GRM4: variants seen among roughly 807,000 people sequenced by gnomAD.
GRM4 encodes the protein glutamate metabotropic receptor 4.
GRM4 carries 28 observed loss-of-function variants against 81.7 expected under a neutral mutation model. The observed-to-expected ratio is 0.34, with a 90% CI of 0.25 to 0.47. The LOEUF is 0.47. Ranked by LOEUF, GRM4 falls within the 20% of genes least tolerant of loss-of-function variation. The pLI is 1.00. For synonymous variants in GRM4, 488 were observed against 528.8 expected (o/e 0.92, Z 1.06); for missense variants, 948 against 1,290.0 (o/e 0.73, Z 4.06).
At position 34,074,250 on chromosome 6, in the gene GRM4, C is replaced by T. The variant is rs1380484505; in HGVS notation, c.737-12222G>A. Among the ~76,000 whole-genome samples the T allele has an allele frequency of 6.6e-6, 1 of 152,216 alleles. No individual in the cohort carries two copies. Among genetic ancestry groups the T allele is most frequent in the Admixed American group, 6.5e-5 (1 of 15,284 alleles). On this transcript the variant is annotated intron_variant, in intron 3 of 10. Coordinates refer to ENST00000538487, the MANE Select transcript of GRM4 (RefSeq NM_000841.4). The surrounding 1 kb of genome is among the most constrained non-coding windows in gnomAD (Gnocchi z 4.9). ...ACCTACTGCTTCGTGATGAAAGCCA[C>T]GTTGCCCACTCTCCAACCCTCCATT... is the stretch of plus-strand genomic sequence containing the variant.
At chr6:34,147,839 C>A (rs1267682089), upstream of GRM4, among the ~76,000 whole-genome samples, 1 of 152,066 alleles carries the variant, frequency 6.6e-6, no homozygotes, top group Non-Finnish European at 1.5e-5. Flanking sequence ...TGTATTTAGG[C>A]GGCTGTAAGT....
In GRM4 at chr6:34,089,764, A is replaced by G. The variant is rs548884276; in HGVS notation, c.736+2119T>C. 6.6e-6 allele frequency among the ~76,000 whole-genome samples: 1 copy of G among 152,312 alleles called. No individual in the cohort carries two copies. Among genetic ancestry groups the G allele is most frequent in the Non-Finnish European group, 1.5e-5 (1 of 68,028 alleles). On this transcript the variant is annotated intron_variant, in intron 3 of 10. Coordinates refer to ENST00000538487, the MANE Select transcript of GRM4 (RefSeq NM_000841.4). The surrounding 1 kb of genome is among the most constrained non-coding windows in gnomAD (Gnocchi z 4.3). ...TTAGATGTTGATAAAAAAAAAATTA[A>G]ACAATAGGCTTACCTTCAGCCAAAA...
At chr6:34,081,104 A>G (rs1767571734) in intron 3 of GRM4, among the ~76,000 whole-genome samples, 1 of 151,912 alleles carries the variant, frequency 6.6e-6, no homozygotes, top group South Asian at 2.1e-4. Flanking sequence ...TCTCCACTTA[A>G]AAGGAGGACT....
At chr6:34,086,930 C>T (rs752569220) in intron 3 of GRM4, among the ~76,000 whole-genome samples, 5 of 151,818 alleles carry the variant, frequency 3.3e-5, no homozygotes, top group African/African-American at 7.3e-5. Flanking sequence ...GAGGCCAGCC[C>T]GGGCAACATG....
intron 10 of GRM4, chr6:34,024,331 C>A: frequency 4.6e-6 from 1 of 217,458 alleles, no homozygotes. Flanking sequence ...CTTCCATGAG[C>A]AGAACAACCA....
At chr6:34,126,581 G>A (rs1167554694) in intron 2 of GRM4, among the ~76,000 whole-genome samples, 1 of 152,202 alleles carries the variant, frequency 6.6e-6, no homozygotes, top group African/African-American at 2.4e-5. Flanking sequence ...ACATATCCAG[G>A]TGACCCTGGA....
chr6:34,117,307 G>A (rs1769638514), intron 2 of GRM4, among the ~76,000 whole-genome samples: 2 of 152,210 alleles, frequency 1.3e-5, no homozygotes, highest in Admixed American at 1.3e-4. Context: ...GGCAGGGCCG[G>A]AGGGAGGGAA....
At chr6:34,026,593 G>A (rs577597363) in intron 10 of GRM4, among the ~76,000 whole-genome samples, 17 of 152,088 alleles carry the variant, frequency 1.1e-4, no homozygotes, top group Middle Eastern at 6.8e-3. Context: ...CTGGGGATAC[G>A]GGGTCTCCCT....
At chr6:34,139,020 T>C (rs1260597960) in intron 1 of GRM4, among the ~76,000 whole-genome samples, 1 of 152,250 alleles carries the variant, frequency 6.6e-6, no homozygotes, top group Non-Finnish European at 1.5e-5. Flanking sequence ...CCAGGCCAGC[T>C]GGGGCTTTAT....
intron 2 of GRM4, among the ~76,000 whole-genome samples, chr6:34,109,753 C>A (rs1342124294): frequency 6.6e-6 from 1 of 152,146 alleles, no homozygotes; most frequent in African/African-American, 2.4e-5. Context: ...AGGCAGCTCA[C>A]CACTTCACAC....
intron 1 of GRM4, among the ~76,000 whole-genome samples, chr6:34,151,401 T>C (rs1771042438): frequency 6.6e-6 from 1 of 152,160 alleles, no homozygotes. Flanking sequence ...TTAAAACAAC[T>C]TATCATCTCT....
chr6:34,069,680 G>C lies in GRM4; in HGVS notation c.737-7652C>G, dbSNP rs1766698113. ...TGTGTGTGTGTGTGTGTGTGTGTGT[G>C]TGTGTGTGACCCTGAGCGCCTGCCT... On this transcript the variant is annotated intron_variant, in intron 3 of 10. Transcript: ENST00000538487. This position sits in a 1 kb window ranked among gnomAD's most constrained non-coding sequence, Gnocchi z 6.4. Among the ~76,000 whole-genome samples, 1 of 136,852 alleles carries C rather than the reference G, an allele frequency of 7.3e-6. No individual in the cohort carries two copies. The highest frequency in any genetic ancestry group is 2.9e-5 in the African/African-American group (1 of 34,008). 89.8% of individuals were successfully genotyped at this position (136,852 alleles called of 152,430 possible).
At chr6:34,025,719 C>T (rs914709795) in intron 10 of GRM4, among the ~76,000 whole-genome samples, 12 of 152,262 alleles carry the variant, frequency 7.9e-5, no homozygotes, top group African/African-American at 2.6e-4. Context: ...CAGTCCTGCC[C>T]GCAATGCTGT....
rs1226531815 is a variant in GRM4 at position 34,028,231 on chromosome 6, G to A, written c.2578C>T (p.Leu860Phe). ...GTGGCCGCCGTAACGACGGCTTTGAGGCTGCGCTTGCGCTTGGGCACGTTC... is the reference window on the plus strand; with the variant it reads ...GTGGCCGCCGTAACGACGGCTTTGAAGCTGCGCTTGCGCTTGGGCACGTTC... ...EQNVPKRKRS[L>F]KAVVTAATMS... is the part of the protein sequence containing the mutation. The change falls in exon 10 of 11, where the codon CTC becomes TTC. Residue 860 changes from leucine to phenylalanine, a missense_variant. Leu to Phe is a conservative substitution (Grantham distance 22, BLOSUM62 0). Transcript: ENST00000538487. 1.9e-6 allele frequency: 3 copies of A among 1,614,122 alleles called. No individual in the cohort carries two copies. Among genetic ancestry groups the A allele is most frequent in the Non-Finnish European group, 2.5e-6 (3 of 1,180,026 alleles).
chr6:34,133,339 C>T lies in GRM4; in HGVS notation c.158G>A (p.Gly53Asp). The change falls in exon 2 of 11, where the codon GGC (glycine) becomes GAC (aspartate). Residue 53 changes from glycine to aspartate, a missense_variant. Gly to Asp is a moderately conservative substitution (Grantham distance 94). Coordinates refer to ENST00000538487, the MANE Select transcript of GRM4 (RefSeq NM_000841.4). This position sits in a 1 kb window ranked among gnomAD's most constrained non-coding sequence, Gnocchi z 6.5. ...IRIDGDITLGGLFPVHGRGSE... is the reference protein window; with the variant it reads ...IRIDGDITLGDLFPVHGRGSE... Reference sequence around the variant, plus strand: ...GCCCCGGCCATGCACCGGGAACAGGCCTCCCAGTGTGATGTCCCCATCTAT... The same window carrying T: ...GCCCCGGCCATGCACCGGGAACAGGTCTCCCAGTGTGATGTCCCCATCTAT... The T allele has an allele frequency of 6.2e-7, 1 of 1,614,118 alleles. No homozygotes were observed. The highest frequency in any genetic ancestry group is 8.5e-7 in the Non-Finnish European group (1 of 1,180,012).
At chr6:34,051,153 TG>T (rs1263825233) in intron 6 of GRM4, among the ~76,000 whole-genome samples, 2 of 152,144 alleles carry the variant, frequency 1.3e-5, no homozygotes, top group East Asian at 3.9e-4. Context: ...AGGAGGGGCC[TG>T]GGGCTGGGAT....
At chr6:34,062,980 C>T (rs1449279493) in intron 3 of GRM4, 2 of 152,228 alleles carry the variant, frequency 1.3e-5, no homozygotes, top group Non-Finnish European at 2.9e-5. Context: ...AGTTACCTGC[C>T]CTACTGGAGT....
At chr6:34,110,745 C>A (rs769264012) in intron 2 of GRM4, 3 of 1,499,208 alleles carry the variant, frequency 2.0e-6, no homozygotes, top group Non-Finnish European at 2.7e-6. Flanking sequence ...ACCTGCAGCC[C>A]GTGAGTCCCC....
At chr6:34,067,077 T>C (rs1347760882) in intron 3 of GRM4, among the ~76,000 whole-genome samples, 1 of 152,132 alleles carries the variant, frequency 6.6e-6, no homozygotes, top group East Asian at 1.9e-4. Context: ...GAGCAGGCTC[T>C]CACCTGGCCA....
Sources: gnomAD v4.1 joint callset for allele counts (sites outside exome capture counted in the v4.1 genomes callset) on GRCh38, gnomAD v4.1.1 for gene constraint, Gnocchi (gnomAD v3.1) non-coding constraint, MANE v1.5 for transcripts, NCBI Gene and HGNC (gene_info 2026-07-23, HGNC 2026-07-21) for gene names.